DENND2B: variants seen among roughly 807,000 people sequenced by gnomAD.
DENND2B encodes the protein DENN domain-containing protein 2B.
DENND2B carries 32 observed loss-of-function variants against 116.0 expected under a neutral mutation model. That is an observed-to-expected ratio of 0.28 (90% CI 0.21 to 0.37). DENND2B has a LOEUF of 0.37. DENND2B is among the 10% of genes least tolerant of loss of function. The pLI is 1.00. For synonymous variants in DENND2B, 588 were observed against 583.9 expected (o/e 1.01, Z -0.10); for missense variants, 1,276 against 1,477.7 (o/e 0.86, Z 2.24).
chr11:8,793,085 A>G (rs1593773032), intron 1 of DENND2B, among the ~76,000 whole-genome samples: 1 of 152,372 alleles, frequency 6.6e-6, no homozygotes, highest in South Asian at 2.1e-4. Flanking sequence ...CCCTCTGAAG[A>G]AATGCAATGC....
chr11:8,809,316 T>A (rs2061173755), intron 1 of DENND2B: 1 of 152,166 alleles, frequency 6.6e-6, no homozygotes, highest in Non-Finnish European at 1.5e-5. Context: ...CCCCTCATTG[T>A]TTGCCAGAAT....
intron 1 of DENND2B, among the ~76,000 whole-genome samples, chr11:8,755,042 A>T (rs2053366549): frequency 6.6e-6 from 1 of 152,250 alleles, no homozygotes; most frequent in African/African-American, 2.4e-5. Flanking sequence ...ATAGACGTTA[A>T]AACTTAAGAG....
At chr11:8,810,798 T>TTCTC (rs2061326871), upstream of DENND2B, 3 of 134,758 alleles carry the variant, frequency 2.2e-5, no homozygotes, top group Non-Finnish European at 4.6e-5. Context: ...TTTTCTTTCT[T>TTCTC]TCTCACTGTC....
chr11:8,768,055 C>G (rs961761234), intron 1 of DENND2B, among the ~76,000 whole-genome samples: 5 of 151,836 alleles, frequency 3.3e-5, no homozygotes, highest in Non-Finnish European at 5.9e-5. Context: ...TCTTTCTGAG[C>G]TGGGAGAGGC....
At chr11:8,699,150 TAA>T (rs145993469) in intron 15 of DENND2B, 61 bp downstream of exon 15, 3 of 1,520,836 alleles carry the variant, frequency 2.0e-6, no homozygotes, top group Non-Finnish European at 2.6e-6. Flanking sequence ...GGGCCACAAG[TAA>T]GATCCCAGCA....
chr11:8,697,365 C>T (rs147691791), intron 17 of DENND2B, among the ~76,000 whole-genome samples, 160 bp downstream of exon 17: 68 of 152,370 alleles, frequency 4.5e-4, no homozygotes, highest in Non-Finnish European at 6.8e-4. Context: ...GTTTTCCTTC[C>T]TAAACTACCT....
intron 2 of DENND2B, among the ~76,000 whole-genome samples, chr11:8,863,118 C>G (rs1001075793): frequency 1.3e-5 from 2 of 151,704 alleles, no homozygotes; most frequent in African/African-American, 4.8e-5. Context: ...GAGTTCGAGA[C>G]CTGTCTGGGC....
At chr11:8,754,453 C>T (rs1442836064) in intron 1 of DENND2B, among the ~76,000 whole-genome samples, 1 of 152,146 alleles carries the variant, frequency 6.6e-6, no homozygotes, top group African/African-American at 2.4e-5. Context: ...GAAATTGGAA[C>T]TTTCATTCCC....
Position 8,695,451 on chromosome 11 carries a change from A to G in DENND2B, c.3379+12T>C. On this transcript the variant is annotated intron_variant, in intron 19 of 19. Coordinates refer to ENST00000313726, the MANE Select transcript of DENND2B (RefSeq NM_213618.2). ...GCTGAACATCTATCTCATCAGTAAC[A>G]AGGCCACTTACCCAAACCTCGGAGA... 1 of 1,612,484 alleles carries G rather than the reference A, an allele frequency of 6.2e-7. No homozygotes were observed.
chr11:8,824,174 T>C (rs2061878732), intron 4 of DENND2B, among the ~76,000 whole-genome samples: 1 of 151,538 alleles, frequency 6.6e-6, no homozygotes, highest in Non-Finnish European at 1.5e-5. Flanking sequence ...AGTGCTGGGA[T>C]TACAGGCGTG....
At chr11:8,877,820 A>T (rs907016294) in intron 2 of DENND2B, among the ~76,000 whole-genome samples, 3 of 152,214 alleles carry the variant, frequency 2.0e-5, no homozygotes, top group African/African-American at 7.2e-5. Flanking sequence ...TTGTTTATTC[A>T]TTCAATAAGC....
At chr11:8,896,328 C>T (rs1594353892) in intron 1 of DENND2B, among the ~76,000 whole-genome samples, 1 of 152,006 alleles carries the variant, frequency 6.6e-6, no homozygotes, top group Non-Finnish European at 1.5e-5. Context: ...TAAAAGTAAG[C>T]CTTAAGAGAG....
intron 2 of DENND2B, 34 bp from the exon 3 acceptor site, chr11:8,731,243 A>G: frequency 1.4e-6 from 2 of 1,453,170 alleles, no homozygotes; most frequent in Non-Finnish European, 1.8e-6. Context: ...AAAAGAAAAG[A>G]AAATGGCAGT....
intron 2 of DENND2B, among the ~76,000 whole-genome samples, chr11:8,863,283 G>C (rs1365456625): frequency 5.6e-5 from 7 of 125,120 alleles, no homozygotes; most frequent in Non-Finnish European, 8.3e-5. Flanking sequence ...TTGAGACCGA[G>C]TCTTGCTCTG....
intron 2 of DENND2B, among the ~76,000 whole-genome samples, chr11:8,863,400 T>A (rs1009416044): frequency 1.3e-4 from 19 of 146,978 alleles, no homozygotes; most frequent in African/African-American, 4.3e-4. Flanking sequence ...GCCTGGCTAA[T>A]TTTTTTGTAT....
At chr11:8,835,791 A>C (rs1467454365) in intron 4 of DENND2B, 1 of 152,246 alleles carries the variant, frequency 6.6e-6, no homozygotes, top group Admixed American at 6.5e-5. Flanking sequence ...ACACAGGCTC[A>C]CAACTCTTAT....
chr11:8,772,731 C>T (rs1158521208), intron 1 of DENND2B, among the ~76,000 whole-genome samples: 1 of 152,064 alleles, frequency 6.6e-6, no homozygotes, highest in African/African-American at 2.4e-5. Context: ...ACCTGGGCGG[C>T]TCCAGCGTTC....
In DENND2B at chr11:8,702,371, C is replaced by T. The variant is rs2041860065; in HGVS notation, c.2720+201G>A. 1.3e-5 allele frequency among the ~76,000 whole-genome samples: 2 copies of T among 152,196 alleles called. No homozygotes were observed. Among genetic ancestry groups the T allele is most frequent in the South Asian group, 4.1e-4 (2 of 4,832 alleles). ...CCAAGCCCTCCACAGGGTTCTCAAT[C>T]CTGCCATCTGTGTGCTCCCAAACCC... On this transcript the variant is annotated intron_variant, in intron 14 of 19. Transcript: ENST00000313726. This position sits in a 1 kb window ranked among gnomAD's most constrained non-coding sequence, Gnocchi z 4.6.
intron 1 of DENND2B, among the ~76,000 whole-genome samples, chr11:8,893,296 G>C (rs1191111373): frequency 6.6e-6 from 1 of 152,126 alleles, no homozygotes; most frequent in African/African-American, 2.4e-5. Context: ...ATATCATACT[G>C]AATGGGCAAA....
Sources: allele counts gnomAD v4.1 joint callset (sites outside exome capture counted in the v4.1 genomes callset), GRCh38; gene constraint gnomAD v4.1.1; non-coding constraint Gnocchi (gnomAD v3.1); transcripts MANE v1.5; gene names NCBI Gene and HGNC (gene_info 2026-07-23, HGNC 2026-07-21).